Variants in TULP4 observed in about 807,000 individuals in gnomAD.
TULP4 encodes tubby-related protein 4.
A neutral mutation model predicts 129.0 loss-of-function variants in TULP4; 16 were observed. That is an observed-to-expected ratio of 0.12 (90% CI 0.08 to 0.19). The LOEUF (loss-of-function observed/expected upper bound fraction) is 0.19. Ranked by LOEUF, TULP4 falls within the 10% of genes least tolerant of loss-of-function variation. TULP4 has a pLI of 1.00. For missense variants in TULP4, 1,842 were observed against 2,059.1 expected (o/e 0.89, Z 2.04); for synonymous variants, 998 against 854.0 (o/e 1.17, Z -2.94).
rs574754252 is a variant in TULP4, at chr6:158,234,266, A to G, written n.68+1963A>G. The stretch of plus-strand genomic sequence containing the variant: ...GAATAGAAAAAGATGTTTAACCCAT[A>G]AAGCAATGTGTGGTACCTGAAGCCT... On this transcript the variant is annotated intron_variant and non_coding_transcript_variant, in intron 1 of 1. Transcript: ENST00000620026. Among the ~76,000 whole-genome samples, 17 of 152,358 alleles carry G rather than the reference A, an allele frequency of 1.1e-4. No individual in the cohort carries two copies. In the South Asian group the frequency reaches 3.5e-3, roughly 32 times the overall value.
chr6:158,306,728 T>A (rs1344643767), intron 1 of TULP4, among the ~76,000 whole-genome samples: 2 of 152,162 alleles, frequency 1.3e-5, no homozygotes, highest in Admixed American at 6.5e-5. Flanking sequence ...ATATTAGAAA[T>A]TAAAACTGGC....
rs1386408699 is a variant in TULP4 at position 158,506,682 on chromosome 6, G to A, written c.4620G>A (p.Gln1540=). ...AFAVALANVT[Q]RLK Reference sequence around the variant, plus strand: ...CAGTTGCCCTGGCCAACGTGACTCAGCGCCTCAAATGAAGAGACTGGTGTG... The same window carrying A: ...CAGTTGCCCTGGCCAACGTGACTCAACGCCTCAAATGAAGAGACTGGTGTG... Residue 1540 remains glutamine, a synonymous_variant, in exon 14 of 14, where the codon CAG becomes CAA. Coordinates refer to ENST00000367097, the MANE Select transcript of TULP4 (RefSeq NM_020245.5). 2.5e-6 allele frequency: 4 copies of A among 1,610,572 alleles called. No individual in the cohort carries two copies. Among genetic ancestry groups the A allele is most frequent in the African/African-American group, 2.7e-5 (2 of 74,850 alleles).
In TULP4 at chr6:158,420,081, TAG is replaced by T. The variant is rs1778301505; in HGVS notation, c.381+6889_381+6890del. On this transcript the variant is annotated intron_variant, in intron 2 of 13. Coordinates refer to ENST00000367097, the MANE Select transcript of TULP4 (RefSeq NM_020245.5). ...GTGAAGGGTCAGATAGTAAATATTT[TAG>T]GTTTTGTGGACAAGGAGCCAAAATT... Among the ~76,000 whole-genome samples the T allele has an allele frequency of 2.0e-5, 3 of 152,368 alleles. No homozygotes were observed. In the South Asian group the frequency reaches 6.2e-4, roughly 32 times the overall value.
chr6:158,486,575 T>C (rs563128388), intron 8 of TULP4, among the ~76,000 whole-genome samples: 3 of 151,720 alleles, frequency 2.0e-5, no homozygotes, highest in African/African-American at 7.2e-5. Flanking sequence ...AGGAAAGAGC[T>C]CTTTCTTCAT....
chr6:158,429,759 T>C lies in TULP4; in HGVS notation c.405T>C (p.His135=), dbSNP rs1212709478. The C allele has an allele frequency of 2.5e-6, 4 of 1,613,198 alleles. No homozygotes were observed. The highest frequency in any genetic ancestry group is 4.5e-5 in the East Asian group (2 of 44,762). The part of the protein sequence containing the change: ...GAQVSDFTWS[H]DGTQALISYR... ...AGGTGAGTGATTTCACGTGGAGCCA[T>C]GATGGAACTCAAGCACTTATTTCCT... Residue 135 remains histidine, a synonymous_variant, in exon 3 of 14, where the codon CAT becomes CAC. Transcript: ENST00000367097.
intron 1 of TULP4, among the ~76,000 whole-genome samples, chr6:158,325,927 A>G (rs1248093528): frequency 6.7e-6 from 1 of 148,340 alleles, no homozygotes; most frequent in Non-Finnish European, 1.5e-5. Context: ...TGGCCACTTA[A>G]CAAAGGCTCA....
At chr6:158,350,764 CTT>C (rs199950596) in intron 1 of TULP4, among the ~76,000 whole-genome samples, 97 of 141,722 alleles carry the variant, frequency 6.8e-4, no homozygotes, top group Non-Finnish European at 6.0e-4. Context: ...GAGGGGAGAG[CTT>C]TTTTTTTTTT....
At chr6:158,490,908 G>GT (rs1780184824) in intron 9 of TULP4, among the ~76,000 whole-genome samples, 1 of 151,292 alleles carries the variant, frequency 6.6e-6, no homozygotes, top group Non-Finnish European at 1.5e-5. Flanking sequence ...ACTACAATTA[G>GT]TTTACTCTGT....
chr6:158,252,938 C>T (rs1778170672), intron 1 of TULP4, among the ~76,000 whole-genome samples: 1 of 152,156 alleles, frequency 6.6e-6, no homozygotes, highest in Non-Finnish European at 1.5e-5. Flanking sequence ...CTTTCACACA[C>T]ATATGGTAAT....
chr6:158,481,858 A>G (rs1779953766), intron 8 of TULP4, among the ~76,000 whole-genome samples: 1 of 152,168 alleles, frequency 6.6e-6, no homozygotes, highest in South Asian at 2.1e-4. Context: ...AATGTATTCA[A>G]GATGCTCCCT....
intron 12 of TULP4, among the ~76,000 whole-genome samples, chr6:158,500,997 T>G (rs1407835400): frequency 6.6e-6 from 1 of 152,098 alleles, no homozygotes; most frequent in Non-Finnish European, 1.5e-5. Context: ...GAGAATCACT[T>G]GAACCCAGGA....
At chr6:158,323,775 A>G (rs1172112941) in intron 1 of TULP4, among the ~76,000 whole-genome samples, 2 of 152,252 alleles carry the variant, frequency 1.3e-5, no homozygotes, top group Non-Finnish European at 2.9e-5. Flanking sequence ...GTTAAGAGAT[A>G]TGAATTGCAA....
At chr6:158,442,904 C>T (rs1390733445) in intron 3 of TULP4, among the ~76,000 whole-genome samples, 3 of 151,900 alleles carry the variant, frequency 2.0e-5, no homozygotes, top group Non-Finnish European at 4.4e-5. Context: ...ACCTCCACCT[C>T]CTGGGCTCAA....
chr6:158,489,747 T>C lies in TULP4; in HGVS notation c.1631+15T>C. The C allele has an allele frequency of 1.9e-6, 3 of 1,614,162 alleles. No homozygotes were observed. Among genetic ancestry groups the C allele is most frequent in the Non-Finnish European group, 2.5e-6 (3 of 1,180,002 alleles). On this transcript the variant is annotated intron_variant, in intron 9 of 13. Coordinates refer to ENST00000367097, the MANE Select transcript of TULP4 (RefSeq NM_020245.5). The stretch of plus-strand genomic sequence containing the variant: ...AAACTCCCAAGGTAATCTCAGTCTT[T>C]GGGGAGATCGTCCTTTCTTGTGCCT...
intron 6 of TULP4, among the ~76,000 whole-genome samples, chr6:158,462,576 T>C (rs1779455944): frequency 6.6e-6 from 1 of 150,920 alleles, no homozygotes; most frequent in African/African-American, 2.4e-5. Flanking sequence ...GGTTTCACCA[T>C]GTTAGCCAGG....
chr6:158,504,023 G>A lies in TULP4; in HGVS notation c.4360G>A (p.Glu1454Lys), dbSNP rs1371178919. Residue 1454 changes from glutamate (E) to lysine (K), a missense_variant, in exon 13 of 14, where the codon GAG (glutamate) becomes AAG (lysine). Around this residue, in one of 5 missense-constraint regions of TULP4, gnomAD observed 1,089 missense variants for 987.1 expected, o/e 1.10. Coordinates refer to ENST00000367097, the MANE Select transcript of TULP4 (RefSeq NM_020245.5). Reference protein sequence around the residue: ...EAKCRRASEKEDGRLGSQGFV... With the variant: ...EAKCRRASEKKDGRLGSQGFV... ...CAAGTGCCGGCGGGCCAGTGAGAAGGAGGACGGGCGGCTGGGCAGCCAAGG... is the reference window on the plus strand; with the variant it reads ...CAAGTGCCGGCGGGCCAGTGAGAAGAAGGACGGGCGGCTGGGCAGCCAAGG... The A allele has an allele frequency of 4.3e-6, 7 of 1,611,814 alleles. No homozygotes were observed. Among genetic ancestry groups the A allele is most frequent in the Non-Finnish European group, 5.1e-6 (6 of 1,179,102 alleles).
intron 2 of TULP4, chr6:158,428,524 A>G (rs546540755): frequency 2.6e-5 from 4 of 152,378 alleles, no homozygotes; most frequent in Admixed American, 2.0e-4. Context: ...ACTTACCACA[A>G]TAGATTAATA....
intron 1 of TULP4, among the ~76,000 whole-genome samples, chr6:158,292,508 A>G (rs554249006): frequency 7.7e-4 from 117 of 152,288 alleles, no homozygotes; most frequent in African/African-American, 2.6e-3. Flanking sequence ...TAATTTACTC[A>G]AGATCTAGTA....
chr6:158,292,348 C>T (rs1205011111), intron 1 of TULP4, among the ~76,000 whole-genome samples: 3 of 152,142 alleles, frequency 2.0e-5, no homozygotes, highest in African/African-American at 7.2e-5. Context: ...TATTGGTCAC[C>T]CTAATTCCGA....
Sources: gnomAD v4.1 joint callset for allele counts (sites outside exome capture counted in the v4.1 genomes callset) on GRCh38, gnomAD v4.1.1 for gene constraint, gnomAD v4.1.1 regional missense constraint, MANE v1.5 for transcripts, NCBI Gene and HGNC (gene_info 2026-07-23, HGNC 2026-07-21) for gene names.